The following ASTN2 variants were observed in gnomAD, a reference collection of about 807,000 sequenced individuals.
ASTN2 encodes astrotactin 2, also known as astrotactin-2.
Under a neutral mutation model 139.8 loss-of-function variants are expected in ASTN2, and 54 were observed. The ratio of observed to expected loss-of-function variants is 0.39; its 90% CI spans 0.31 to 0.48. The LOEUF (loss-of-function observed/expected upper bound fraction) is 0.48. ASTN2 is among the 20% of genes least tolerant of loss of function. The pLI is 0.95. For synonymous variants in ASTN2, 756 were observed against 719.5 expected (o/e 1.05, Z -0.81); for missense variants, 1,565 against 1,725.1 (o/e 0.91, Z 1.64).
chr9:116,551,487 C>G (rs899985222), intron 19 of ASTN2, among the ~76,000 whole-genome samples: 1 of 152,150 alleles, frequency 6.6e-6, no homozygotes. Context: ...CTCTATAAAA[C>G]CAGCTCCTGC....
chr9:116,442,660 G>A, intron 20 of ASTN2, 107 bp from the exon 21 acceptor site: 1 of 876,452 alleles, frequency 1.1e-6, no homozygotes, highest in Admixed American at 2.0e-5. Flanking sequence ...CAGGAAAAAT[G>A]ATTTTAAAAA....
At chr9:116,869,438 A>G (rs1426747865) in intron 10 of ASTN2, among the ~76,000 whole-genome samples, 1 of 152,172 alleles carries the variant, frequency 6.6e-6, no homozygotes, top group East Asian at 1.9e-4. Context: ...GATTCTTATC[A>G]AAGTGTTCCT....
intron 17 of ASTN2, among the ~76,000 whole-genome samples, chr9:116,625,443 A>T (rs1169684059): frequency 1.3e-5 from 2 of 152,152 alleles, no homozygotes; most frequent in Non-Finnish European, 2.9e-5. Context: ...GAAAAAATAA[A>T]GAAACCCTCC....
chr9:117,208,236 AAGAT>A (rs1369526172), intron 3 of ASTN2, among the ~76,000 whole-genome samples: 1 of 152,180 alleles, frequency 6.6e-6, no homozygotes, highest in Non-Finnish European at 1.5e-5. Flanking sequence ...TAAGAGAAGA[AAGAT>A]AGTCAATTTA....
chr9:117,068,311 T>C (rs976814940), intron 5 of ASTN2, among the ~76,000 whole-genome samples: 1 of 72,392 alleles, frequency 1.4e-5, no homozygotes, highest in South Asian at 6.1e-4. Context: ...GGATTACATT[T>C]ATTGATTTGC....
At chr9:116,772,748 C>T (rs940037147) in intron 13 of ASTN2, among the ~76,000 whole-genome samples, 1 of 152,214 alleles carries the variant, frequency 6.6e-6, no homozygotes, top group African/African-American at 2.4e-5. Context: ...TCTCCTTACA[C>T]CAGAGCCATG....
intron 6 of ASTN2, among the ~76,000 whole-genome samples, chr9:117,028,260 T>A (rs1053385101): frequency 6.6e-6 from 1 of 151,990 alleles, no homozygotes; most frequent in Non-Finnish European, 1.5e-5. Context: ...CAGCTGATGA[T>A]GAGATGCCCC....
At chr9:116,730,013 G>A (rs752816111) in intron 14 of ASTN2, among the ~76,000 whole-genome samples, 6 of 152,114 alleles carry the variant, frequency 3.9e-5, no homozygotes, top group African/African-American at 7.2e-5. Context: ...TTGGGCGGTG[G>A]TAAATGAAAA....
intron 2 of ASTN2, among the ~76,000 whole-genome samples, chr9:117,272,543 G>A (rs1044925166): frequency 1.3e-5 from 2 of 152,162 alleles, no homozygotes; most frequent in African/African-American, 4.8e-5. Flanking sequence ...GCATCATCAG[G>A]CTGCAAATTT....
At chr9:116,813,914 T>C (rs986585449) in intron 12 of ASTN2, among the ~76,000 whole-genome samples, 9 of 151,856 alleles carry the variant, frequency 5.9e-5, no homozygotes, top group African/African-American at 2.2e-4. Context: ...TGAGCGCCTG[T>C]AATCCCAGCT....
rs1372178036 is a variant in ASTN2, at chr9:117,134,293, TATACACACACACAC to T, written c.1168+7019_1168+7032del. Among the ~76,000 whole-genome samples the T allele has an allele frequency of 2.2e-3, 117 of 53,900 alleles. 1 individual carries two copies. Among genetic ancestry groups the T allele is most frequent in the African/African-American group, 6.1e-3 (102 of 16,762 alleles). The allele number at this position is 53,900 out of a possible 152,430, so 35.4% of individuals were successfully genotyped here. A position where few individuals can be genotyped will look rare whatever the true frequency, so the allele number is the denominator to read the frequency against. The stretch of plus-strand genomic sequence containing the variant: ...ATATATATATATATATATATATATA[TATACACACACACAC>T]ACACACACACACACACACACACACA... On this transcript the variant is annotated intron_variant, in intron 4 of 22. Transcript: ENST00000313400.
intron 19 of ASTN2, among the ~76,000 whole-genome samples, chr9:116,509,896 C>A (rs1850292306): frequency 6.6e-6 from 1 of 152,072 alleles, no homozygotes; most frequent in Admixed American, 6.5e-5. Flanking sequence ...GTTGTAGATT[C>A]TGGATATTAG....
At chr9:116,887,852 G>C (rs182967818) in intron 10 of ASTN2, among the ~76,000 whole-genome samples, 116 of 151,798 alleles carry the variant, frequency 7.6e-4, no homozygotes, top group African/African-American at 2.7e-3. Context: ...ATTTTTTTTA[G>C]AGATGAGGTT....
At chr9:117,121,447 G>A (rs915010429) in intron 4 of ASTN2, among the ~76,000 whole-genome samples, 3 of 152,174 alleles carry the variant, frequency 2.0e-5, no homozygotes, top group East Asian at 3.9e-4. Flanking sequence ...ACACCTCCAG[G>A]AAGGAAGCAG....
chr9:116,840,528 T>A (rs28720117), intron 11 of ASTN2, among the ~76,000 whole-genome samples: 1 of 7,306 alleles, frequency 1.4e-4, no homozygotes, highest in Non-Finnish European at 2.7e-4. Context: ...ACCTCCCTCC[T>A]GGACGGGGCG....
intron 13 of ASTN2, among the ~76,000 whole-genome samples, chr9:116,801,075 G>A (rs1345350635): frequency 6.6e-6 from 1 of 152,168 alleles, no homozygotes; most frequent in East Asian, 1.9e-4. Context: ...GTCAGGAAAT[G>A]AGGCATATGG....
At chr9:116,537,845 C>G (rs947322398) in intron 19 of ASTN2, among the ~76,000 whole-genome samples, 2 of 152,124 alleles carry the variant, frequency 1.3e-5, no homozygotes, top group African/African-American at 2.4e-5. Context: ...AAGATCTGAG[C>G]CATGAAAGCA....
intron 16 of ASTN2, among the ~76,000 whole-genome samples, chr9:116,723,747 G>A (rs1182399030): frequency 6.6e-6 from 1 of 152,206 alleles, no homozygotes; most frequent in Non-Finnish European, 1.5e-5. Flanking sequence ...GTCACAGCAG[G>A]TGAAGATGGA....
intron 2 of ASTN2, among the ~76,000 whole-genome samples, chr9:117,263,029 T>A (rs1833861400): frequency 6.6e-6 from 1 of 152,186 alleles, no homozygotes; most frequent in Non-Finnish European, 1.5e-5. Context: ...AAACCCATTT[T>A]AAATTTCTAA....
Sources: allele counts gnomAD v4.1 joint callset (sites outside exome capture counted in the v4.1 genomes callset), GRCh38; gene constraint gnomAD v4.1.1; transcripts MANE v1.5; gene names NCBI Gene and HGNC (gene_info 2026-07-23, HGNC 2026-07-21).